The following PRDM2 variants were observed in gnomAD, a reference collection of about 807,000 sequenced individuals.
The protein encoded by PRDM2 is PR domain zinc finger protein 2.
PRDM2 carries 30 observed loss-of-function variants against 130.0 expected under a neutral mutation model. That is an observed-to-expected ratio of 0.23 (90% CI 0.17 to 0.31). The LOEUF (loss-of-function observed/expected upper bound fraction) is 0.31, where lower values mean the gene tolerates loss of function less well. Among genes scored for constraint, PRDM2 ranks in the 10% least tolerant of loss-of-function variants. The pLI, the probability that PRDM2 is intolerant of heterozygous loss-of-function variation, is 1.00. For synonymous variants in PRDM2, 871 were observed against 782.4 expected, an observed-to-expected ratio of 1.11 and a Z score of -1.89; for missense variants, 2,011 against 2,108.4, an observed-to-expected ratio of 0.95 and a Z score of 0.90.
intron 8 of PRDM2, among the ~76,000 whole-genome samples, chr1:13,798,296 A>G (rs1444207145): frequency 1.3e-5 from 2 of 152,190 alleles, no homozygotes; most frequent in African/African-American, 4.8e-5. Context: ...TAAAATGTGA[A>G]TGTTGGGGCA....
rs898200618 is a variant in PRDM2 at position 13,824,959 on chromosome 1, G to C, written c.*1824G>C. On this transcript the variant is annotated 3_prime_UTR_variant, in exon 10 of 10. Transcript: ENST00000311066. ...GGAAAACTGTTCCAATCATGAAAAGGGGGGATGATTTTGTAAAAGTGGCAT... is the reference window on the plus strand; with the variant it reads ...GGAAAACTGTTCCAATCATGAAAAGCGGGGATGATTTTGTAAAAGTGGCAT... 2.6e-5 allele frequency: 4 copies of C among 152,696 alleles called. No homozygotes were observed. Among genetic ancestry groups the C allele is most frequent in the Non-Finnish European group, 4.4e-5 (3 of 68,062 alleles). The allele number at this position is 152,696 out of a possible 1,614,324, so 9.5% of individuals were successfully genotyped here.
intron 8 of PRDM2, among the ~76,000 whole-genome samples, chr1:13,814,552 T>G (rs1645227110): frequency 6.6e-6 from 1 of 152,238 alleles, no homozygotes; most frequent in African/African-American, 2.4e-5. Context: ...TGGGGCTGGT[T>G]AAACCTTTGT....
In PRDM2 at chr1:13,771,653, C is replaced by G. The variant is rs1438467914; in HGVS notation, c.512-1425C>G. 1 of 152,104 alleles carries G rather than the reference C, an allele frequency of 6.6e-6. No homozygotes were observed. Among genetic ancestry groups the G allele is most frequent in the African/African-American group, 2.4e-5 (1 of 41,396 alleles). The allele number at this position is 152,104 out of a possible 1,614,324, so 9.4% of individuals were successfully genotyped here. A position where few individuals can be genotyped will look rare whatever the true frequency, so the allele number is the denominator to read the frequency against. ...GCTGAGGCAGGAGAATGGCATGAAC[C>G]CGGGAGGCGGAGCTTGCAGTGAGCC... On this transcript the variant is annotated intron_variant, in intron 6 of 9. Coordinates refer to ENST00000311066, the MANE Select transcript of PRDM2 (RefSeq NM_001393986.1). This position sits in a 1 kb window ranked among gnomAD's most constrained non-coding sequence, Gnocchi z 4.1.
intron 2 of PRDM2, among the ~76,000 whole-genome samples, chr1:13,721,321 C>G (rs1642722005): frequency 6.6e-6 from 1 of 152,052 alleles, no homozygotes; most frequent in Non-Finnish European, 1.5e-5. Context: ...TTAGTTATCT[C>G]TCCCCCTTTT....
intron 6 of PRDM2, 97 bp downstream of exon 6, chr1:13,749,584 G>A: frequency 1.2e-6 from 1 of 850,114 alleles, no homozygotes; most frequent in Non-Finnish European, 1.4e-6. Context: ...CCGCGAGGCG[G>A]GTCGCGGGCT....
intron 1 of PRDM2, among the ~76,000 whole-genome samples, chr1:13,710,012 A>G (rs1162067128): frequency 6.6e-6 from 1 of 152,188 alleles, no homozygotes; most frequent in African/African-American, 2.4e-5. Context: ...TCAAATATGT[A>G]TTTTCCCAAT....
intron 9 of PRDM2, among the ~76,000 whole-genome samples, chr1:13,816,993 C>G (rs1282982537): frequency 6.6e-6 from 1 of 152,200 alleles, no homozygotes; most frequent in Non-Finnish European, 1.5e-5. Context: ...ATACTCAGTT[C>G]TTAATTGCCT....
At chr1:13,748,756 T>C (rs557445649) in intron 5 of PRDM2, among the ~76,000 whole-genome samples, 1 of 152,310 alleles carries the variant, frequency 6.6e-6, no homozygotes, top group African/African-American at 2.4e-5. Flanking sequence ...AAAGTTAAAA[T>C]GTGGAAGTTT....
intron 8 of PRDM2, among the ~76,000 whole-genome samples, chr1:13,813,636 G>T (rs1009777117): frequency 3.9e-5 from 6 of 152,234 alleles, no homozygotes; most frequent in African/African-American, 1.2e-4. Context: ...AGAGAAAACT[G>T]AGAAAGTCCT....
At chr1:13,786,434 T>A in intron 8 of PRDM2, 1 of 1,547,310 alleles carries the variant, frequency 6.5e-7, no homozygotes, top group South Asian at 1.1e-5. Flanking sequence ...TCTTACGGTC[T>A]ATTCACCTTT....
chr1:13,754,419 TC>T (rs534610491), intron 6 of PRDM2, among the ~76,000 whole-genome samples: 2 of 152,164 alleles, frequency 1.3e-5, no homozygotes, highest in Non-Finnish European at 2.9e-5. Flanking sequence ...AAGGACACTT[TC>T]CAAAATTGGA....
chr1:13,751,910 A>G (rs1359555500), intron 6 of PRDM2, among the ~76,000 whole-genome samples: 1 of 151,982 alleles, frequency 6.6e-6, no homozygotes, highest in East Asian at 1.9e-4. Context: ...TGATTTCTTT[A>G]TATACAAAGT....
chr1:13,778,775 C>T lies in PRDM2; in HGVS notation c.980C>T (p.Ser327Leu), dbSNP rs1376734577. ...EDLLEEPKTT[S>L]EETLEDCSEV... ...TTATTAGAGGAACCAAAAACAACTT[C>T]AGAAGAAACTCTTGAAGACTGCTCA... Residue 327 changes from serine to leucine, a missense_variant, in exon 8 of 10, where the codon TCA (serine) becomes TTA (leucine). This residue lies in a region of PRDM2 where 1,288 missense variants were observed against 1,237.7 expected (regional missense o/e 1.04). Coordinates refer to ENST00000311066, the MANE Select transcript of PRDM2 (RefSeq NM_001393986.1). 6.2e-7 allele frequency: 1 copy of T among 1,614,092 alleles called. No individual in the cohort carries two copies. Among genetic ancestry groups the T allele is most frequent in the East Asian group, 2.2e-5 (1 of 44,892 alleles).
chr1:13,760,392 C>G (rs541655394), intron 6 of PRDM2, among the ~76,000 whole-genome samples: 63 of 151,828 alleles, frequency 4.1e-4, no homozygotes, highest in African/African-American at 1.4e-3. Flanking sequence ...GCTTGGGCTT[C>G]AGTGTTGCTT....
intron 6 of PRDM2, among the ~76,000 whole-genome samples, chr1:13,751,666 G>C (rs1218610006): frequency 6.6e-6 from 1 of 151,974 alleles, no homozygotes; most frequent in African/African-American, 2.4e-5. Flanking sequence ...ACTTAGTATT[G>C]CTGAAAGCCG....
chr1:13,710,426 A>C (rs547260242), intron 1 of PRDM2, among the ~76,000 whole-genome samples: 3 of 152,258 alleles, frequency 2.0e-5, no homozygotes, highest in Non-Finnish European at 4.4e-5. Context: ...TTAATCATCA[A>C]ATCATCTTTA....
At chr1:13,708,820 T>A (rs922278330) in intron 1 of PRDM2, among the ~76,000 whole-genome samples, 2 of 152,162 alleles carry the variant, frequency 1.3e-5, no homozygotes, top group African/African-American at 4.8e-5. Context: ...CAGAAGGAAT[T>A]TATTGCCTCT....
chr1:13,794,429 G>T (rs151285573), intron 8 of PRDM2, among the ~76,000 whole-genome samples: 1 of 152,194 alleles, frequency 6.6e-6, no homozygotes, highest in Non-Finnish European at 1.5e-5. Context: ...TCACTGCTGC[G>T]TTCCCAGCAT....
intron 5 of PRDM2, among the ~76,000 whole-genome samples, chr1:13,743,210 T>C (rs554800911): frequency 7.2e-5 from 11 of 151,996 alleles, no homozygotes; most frequent in East Asian, 1.9e-4. Context: ...CCATCCTGGC[T>C]AACATGGTGA....
Sources: gnomAD v4.1 joint callset for allele counts (sites outside exome capture counted in the v4.1 genomes callset) on GRCh38, gnomAD v4.1.1 for gene constraint, gnomAD v4.1.1 regional missense constraint, Gnocchi (gnomAD v3.1) non-coding constraint, MANE v1.5 for transcripts, NCBI Gene and HGNC (gene_info 2026-07-23, HGNC 2026-07-21) for gene names.